Variants in MSRA observed in about 807,000 individuals in gnomAD.
MSRA encodes the protein mitochondrial peptide methionine sulfoxide reductase.
In MSRA, 54 loss-of-function variants were observed where a neutral mutation model predicts 31.3. The observed-to-expected ratio is 1.73, with a 90% CI of 1.39 to 2.17. MSRA has a LOEUF of 2.17. Ranked by LOEUF, MSRA falls within the 30% of genes most tolerant of loss-of-function variation. The pLI, the probability that MSRA is intolerant of heterozygous loss-of-function variation, is 0.00. For synonymous variants in MSRA, 169 were observed against 116.5 expected (o/e 1.45, Z -2.90); for missense variants, 507 against 300.9 (o/e 1.69, Z -5.07).
chr8:10,256,567 A>G (rs1384586418), intron 3 of MSRA, among the ~76,000 whole-genome samples: 2 of 152,224 alleles, frequency 1.3e-5, no homozygotes, highest in African/African-American at 2.4e-5. Context: ...TGGGGGCTTC[A>G]TCCATCAAAA....
chr8:10,212,655 G>T (rs901144404), intron 2 of MSRA, among the ~76,000 whole-genome samples: 1 of 152,160 alleles, frequency 6.6e-6, no homozygotes, highest in South Asian at 2.1e-4. Context: ...TGATTTTACA[G>T]TTGCAGTTTT....
At chr8:10,423,730 G>C (rs1808954530) in intron 5 of MSRA, among the ~76,000 whole-genome samples, 2 of 152,182 alleles carry the variant, frequency 1.3e-5, no homozygotes, top group Admixed American at 1.3e-4. Context: ...CCATGGAACT[G>C]GCCAGGACTC....
chr8:10,144,841 C>G (rs1341585301), intron 1 of MSRA, among the ~76,000 whole-genome samples: 1 of 152,132 alleles, frequency 6.6e-6, no homozygotes, highest in Non-Finnish European at 1.5e-5. Context: ...GACTGTGCTT[C>G]TCTGTTAACT....
chr8:10,221,787 TAGTC>T (rs149914234), intron 2 of MSRA, among the ~76,000 whole-genome samples: 3,379 of 152,206 alleles, frequency 0.022, 84 homozygotes, highest in East Asian at 0.14. Flanking sequence ...TAAAATAACA[TAGTC>T]AGAGAAGTCA....
chr8:10,355,836 G>A (rs545821746), intron 5 of MSRA, among the ~76,000 whole-genome samples: 1 of 152,290 alleles, frequency 6.6e-6, no homozygotes, highest in Admixed American at 6.5e-5. Flanking sequence ...GTTTAGAGTG[G>A]AGACTTGGAG....
At chr8:10,316,340 A>G (rs976706730) in intron 4 of MSRA, among the ~76,000 whole-genome samples, 4 of 152,110 alleles carry the variant, frequency 2.6e-5, no homozygotes, top group African/African-American at 9.7e-5. Context: ...TCAACAGGCA[A>G]CCAGCCTCTC....
At chr8:10,403,771 C>G (rs1807616644) in intron 5 of MSRA, among the ~76,000 whole-genome samples, 2 of 152,340 alleles carry the variant, frequency 1.3e-5, no homozygotes, top group South Asian at 2.1e-4. Context: ...CAGGCTCAGG[C>G]TGAGGCAGAC....
chr8:10,381,455 T>C (rs904240504), intron 5 of MSRA, among the ~76,000 whole-genome samples: 1 of 152,116 alleles, frequency 6.6e-6, no homozygotes, highest in South Asian at 2.1e-4. Flanking sequence ...GGGGAAGAGC[T>C]GGGAGGAAGG....
intron 1 of MSRA, among the ~76,000 whole-genome samples, chr8:10,072,023 T>C (rs1464490059): frequency 1.3e-5 from 2 of 152,038 alleles, no homozygotes; most frequent in East Asian, 3.9e-4. Flanking sequence ...AGCACCCCTT[T>C]TGTACTGCAA....
chr8:10,249,866 C>T (rs1250863731), intron 3 of MSRA, among the ~76,000 whole-genome samples: 1 of 152,156 alleles, frequency 6.6e-6, no homozygotes, highest in Non-Finnish European at 1.5e-5. Context: ...CTAGGGAACC[C>T]AGAACGTGGA....
chr8:10,398,305 G>A (rs1807228826), intron 5 of MSRA, among the ~76,000 whole-genome samples: 1 of 152,184 alleles, frequency 6.6e-6, no homozygotes, highest in Non-Finnish European at 1.5e-5. Flanking sequence ...ATAGTGAAAG[G>A]GCTGGATTCT....
At chr8:10,077,450 A>G (rs566452152) in intron 1 of MSRA, among the ~76,000 whole-genome samples, 1 of 135,388 alleles carries the variant, frequency 7.4e-6, no homozygotes, top group Non-Finnish European at 1.6e-5. Flanking sequence ...TTGTCATTTT[A>G]TACATGGATT....
intron 5 of MSRA, among the ~76,000 whole-genome samples, chr8:10,374,552 G>A (rs953735755): frequency 3.9e-5 from 6 of 152,206 alleles, no homozygotes; most frequent in African/African-American, 1.2e-4. Flanking sequence ...CTTCCAGATA[G>A]TACATGACAA....
At chr8:10,230,168 C>T (rs569860329) in intron 2 of MSRA, among the ~76,000 whole-genome samples, 1 of 152,202 alleles carries the variant, frequency 6.6e-6, no homozygotes. Flanking sequence ...TCAGAGTTCT[C>T]TGCAGAGAGG....
intron 1 of MSRA, among the ~76,000 whole-genome samples, chr8:10,179,185 A>G (rs923895885): frequency 1.3e-5 from 2 of 152,180 alleles, no homozygotes; most frequent in South Asian, 2.1e-4. Context: ...TTTTGCCTCT[A>G]TAGTAATGTG....
chr8:10,329,206 C>G (rs925585009), intron 5 of MSRA, among the ~76,000 whole-genome samples: 1 of 152,230 alleles, frequency 6.6e-6, no homozygotes, highest in Non-Finnish European at 1.5e-5. Flanking sequence ...TTAAAAGCAA[C>G]AGGGATTTAT....
At chr8:10,100,308 G>A (rs1273881206) in intron 1 of MSRA, among the ~76,000 whole-genome samples, 1 of 152,098 alleles carries the variant, frequency 6.6e-6, no homozygotes, top group Non-Finnish European at 1.5e-5. Flanking sequence ...ATTGTGTATA[G>A]TTCTGTGTCC....
chr8:10,306,875 A>T (rs952299499), intron 4 of MSRA, among the ~76,000 whole-genome samples: 1 of 152,190 alleles, frequency 6.6e-6, no homozygotes, highest in Non-Finnish European at 1.5e-5. Flanking sequence ...TGCTGTCCTC[A>T]GTCCTGGAGC....
intron 1 of MSRA, among the ~76,000 whole-genome samples, chr8:10,066,543 C>G (rs1178671586): frequency 6.6e-6 from 1 of 151,828 alleles, no homozygotes; most frequent in Non-Finnish European, 1.5e-5. Flanking sequence ...ATCTGTTTTT[C>G]TTTTTTTGAG....
Sources: allele counts gnomAD v4.1 joint callset (sites outside exome capture counted in the v4.1 genomes callset), GRCh38; gene constraint gnomAD v4.1.1; transcripts MANE v1.5; gene names NCBI Gene and HGNC (gene_info 2026-07-23, HGNC 2026-07-21).